Variants in PTPRT observed in about 807,000 individuals in gnomAD.
PTPRT encodes the protein protein tyrosine phosphatase receptor type T.
In PTPRT, 56 loss-of-function variants were observed where a neutral mutation model predicts 176.8. That is an observed-to-expected ratio of 0.32 (90% CI 0.26 to 0.40). The LOEUF is 0.40. Ranked by LOEUF, PTPRT falls within the 10% of genes least tolerant of loss-of-function variation. PTPRT has a pLI of 1.00. For synonymous variants in PTPRT, 783 were observed against 739.0 expected (o/e 1.06, Z -0.96); for missense variants, 1,540 against 1,908.2 (o/e 0.81, Z 3.60).
At chr20:42,296,433 G>A (rs1339982936) in intron 12 of PTPRT, among the ~76,000 whole-genome samples, 6 of 133,892 alleles carry the variant, frequency 4.5e-5, no homozygotes, top group Non-Finnish European at 6.3e-5. Flanking sequence ...GTAACACAGC[G>A]AGACTCTGTC....
intron 12 of PTPRT, among the ~76,000 whole-genome samples, chr20:42,308,147 A>G (rs1002944955): frequency 1.3e-5 from 2 of 151,858 alleles, no homozygotes; most frequent in Non-Finnish European, 2.9e-5. Flanking sequence ...TTTTTAGCAT[A>G]TCATTAAGAA....
chr20:42,074,212 T>C lies in PTPRT; in HGVS notation c.*6667A>G, dbSNP rs887662821. The C allele has an allele frequency of 4.4e-6, 1 of 227,868 alleles. No homozygotes were observed. The highest frequency in any genetic ancestry group is 8.7e-6 in the Non-Finnish European group (1 of 114,758). 14.1% of individuals were successfully genotyped at this position (227,868 alleles called of 1,614,324 possible). A position where few individuals can be genotyped will look rare whatever the true frequency, so the allele number is the denominator to read the frequency against. ...AACACCTGACATTATTCATCTTCCA[T>C]GGGAGATACAGGGACAGGGTGGACA... is the stretch of plus-strand genomic sequence containing the variant. On this transcript the variant is annotated 3_prime_UTR_variant, in exon 31 of 31. Transcript: ENST00000373187.
At chr20:42,732,621 A>G (rs1280927111) in intron 6 of PTPRT, among the ~76,000 whole-genome samples, 3 of 152,192 alleles carry the variant, frequency 2.0e-5, no homozygotes, top group African/African-American at 2.4e-5. Flanking sequence ...AAAAGCATCA[A>G]ATGATGAAAG....
chr20:42,614,982 T>C (rs535774738), intron 7 of PTPRT, among the ~76,000 whole-genome samples: 9 of 147,370 alleles, frequency 6.1e-5, no homozygotes, highest in Admixed American at 2.7e-4. Context: ...CATGTGCACA[T>C]TGTGCAGGTT....
At chr20:42,487,342 T>C (rs1279167893) in intron 7 of PTPRT, among the ~76,000 whole-genome samples, 1 of 152,166 alleles carries the variant, frequency 6.6e-6, no homozygotes, top group Non-Finnish European at 1.5e-5. Context: ...TCCCAAATGC[T>C]GTCTCAGACC....
At chr20:42,961,292 A>G (rs954340548) in intron 1 of PTPRT, among the ~76,000 whole-genome samples, 7 of 152,182 alleles carry the variant, frequency 4.6e-5, no homozygotes, top group African/African-American at 1.7e-4. Context: ...AAAGATTGCT[A>G]TGGTGCCTGT....
At chr20:42,984,429 C>G (rs565510567) in intron 1 of PTPRT, among the ~76,000 whole-genome samples, 1 of 152,342 alleles carries the variant, frequency 6.6e-6, no homozygotes, top group Admixed American at 6.5e-5. Flanking sequence ...ATACAGCTCT[C>G]CACTTTCTGT....
At chr20:42,128,377 G>A (rs1987961526) in intron 19 of PTPRT, among the ~76,000 whole-genome samples, 1 of 151,672 alleles carries the variant, frequency 6.6e-6, no homozygotes, top group African/African-American at 2.4e-5. Flanking sequence ...AGAGACCATG[G>A]TATTATTAGC....
intron 1 of PTPRT, among the ~76,000 whole-genome samples, chr20:42,919,493 A>T (rs1174784294): frequency 6.6e-6 from 1 of 152,242 alleles, no homozygotes; most frequent in Non-Finnish European, 1.5e-5. Flanking sequence ...CGCTAAGAGC[A>T]GGTGGCCAAG....
intron 1 of PTPRT, among the ~76,000 whole-genome samples, chr20:43,002,670 G>A (rs1485820568): frequency 1.3e-5 from 2 of 151,960 alleles, no homozygotes; most frequent in Non-Finnish European, 2.9e-5. Context: ...GATTTTTAGA[G>A]AATAGCAATA....
chr20:42,729,943 T>C (rs979012058), intron 6 of PTPRT, among the ~76,000 whole-genome samples: 26 of 152,166 alleles, frequency 1.7e-4, no homozygotes, highest in Non-Finnish European at 2.9e-5. Flanking sequence ...CCAACAAGGA[T>C]GATAACCTCT....
At chr20:42,315,323 T>C (rs2057704046) in intron 12 of PTPRT, among the ~76,000 whole-genome samples, 1 of 151,970 alleles carries the variant, frequency 6.6e-6, no homozygotes, top group African/African-American at 2.4e-5. Flanking sequence ...AGTGCATTCC[T>C]AGATAGCAAA....
At chr20:42,224,570 T>C (rs2146804914) in intron 15 of PTPRT, among the ~76,000 whole-genome samples, 1 of 152,338 alleles carries the variant, frequency 6.6e-6, no homozygotes, top group South Asian at 2.1e-4. Flanking sequence ...ACGATGCTCT[T>C]TCAAATGCCT....
intron 7 of PTPRT, among the ~76,000 whole-genome samples, chr20:42,518,307 C>T (rs571365009): frequency 1.3e-3 from 201 of 152,008 alleles, no homozygotes; most frequent in African/African-American, 4.6e-3. Context: ...CAGCATAAAA[C>T]TGGATTTTTT....
At chr20:42,970,989 A>C (rs531739987) in intron 1 of PTPRT, 1 of 151,400 alleles carries the variant, frequency 6.6e-6, no homozygotes, top group South Asian at 2.1e-4. Context: ...ATGAATTCTA[A>C]CACCAAACAC....
At chr20:42,842,799 C>T (rs2078301717) in intron 2 of PTPRT, among the ~76,000 whole-genome samples, 1 of 152,202 alleles carries the variant, frequency 6.6e-6, no homozygotes. Flanking sequence ...ATGAAGGCCT[C>T]TTCTTCATGC....
intron 11 of PTPRT, among the ~76,000 whole-genome samples, chr20:42,347,273 C>CA (rs1419473423): frequency 3.3e-5 from 5 of 152,190 alleles, no homozygotes; most frequent in Non-Finnish European, 4.4e-5. Context: ...TTATTCGAAG[C>CA]ATCCTTAACC....
chr20:42,169,793 A>ACACAC (rs1568638865), intron 16 of PTPRT, among the ~76,000 whole-genome samples: 4,851 of 67,074 alleles, frequency 0.072, 172 homozygotes, highest in Middle Eastern at 0.13. Context: ...CACACACACA[A>ACACAC]CAGTCAGTAT....
intron 9 of PTPRT, among the ~76,000 whole-genome samples, chr20:42,400,042 A>T (rs948819475): frequency 6.6e-6 from 1 of 152,094 alleles, no homozygotes; most frequent in African/African-American, 2.4e-5. Context: ...TTTGAAATGC[A>T]CTCATCAGTA....
Sources: gnomAD v4.1 joint callset for allele counts (sites outside exome capture counted in the v4.1 genomes callset) on GRCh38, gnomAD v4.1.1 for gene constraint, MANE v1.5 for transcripts, NCBI Gene and HGNC (gene_info 2026-07-23, HGNC 2026-07-21) for gene names.